Variants in SH3GL3 observed in about 807,000 individuals in gnomAD.
SH3GL3 encodes endophilin-A3.
In SH3GL3, 33 loss-of-function variants were observed where a neutral mutation model predicts 47.7. The ratio of observed to expected loss-of-function variants is 0.69; its 90% CI spans 0.52 to 0.92. SH3GL3 has a LOEUF of 0.92. Among genes scored for constraint, SH3GL3 ranks in the 40% least tolerant of loss-of-function variants. The pLI is 0.00. For synonymous variants in SH3GL3, 155 were observed against 148.8 expected, an observed-to-expected ratio of 1.04 and a Z score of -0.30; for missense variants, 363 against 417.8, an observed-to-expected ratio of 0.87 and a Z score of 1.14.
Position 83,549,357 on chromosome 15 carries a change from T to A in SH3GL3, c.46-9896T>A, listed in dbSNP as rs35783313. 1.4e-3 allele frequency among the ~76,000 whole-genome samples: 209 copies of A among 152,320 alleles called. 1 individual carries two copies. The highest frequency in any genetic ancestry group is 2.4e-3 in the Non-Finnish European group (166 of 68,026). ...AGCAGGTCTGAGTAATGTATCTTCC[T>A]CCAGAGATTATCTAGTTTTATTCTG... On this transcript the variant is annotated intron_variant, in intron 1 of 8. Transcript: ENST00000427482.
chr15:83,540,473 A>G (rs1486881048), intron 1 of SH3GL3, among the ~76,000 whole-genome samples: 1 of 152,116 alleles, frequency 6.6e-6, no homozygotes, highest in East Asian at 1.9e-4. Flanking sequence ...TTAAAGATTT[A>G]GGATTGTTAT....
intron 1 of SH3GL3, among the ~76,000 whole-genome samples, chr15:83,471,876 ATTTCT>A (rs947572919): frequency 1.4e-4 from 21 of 150,094 alleles, no homozygotes; most frequent in Admixed American, 9.3e-4. Flanking sequence ...CTTGGTGTGG[ATTTCT>A]TTTCTTTTCT....
the SH3GL3 span, among the ~76,000 whole-genome samples, chr15:83,626,863 C>T: frequency 1.3e-5 from 2 of 152,186 alleles, no homozygotes; most frequent in Non-Finnish European, 2.9e-5. Context: ...GCAATTTTTA[C>T]TCCCGCTATT....
chr15:83,608,405 A>G (rs2060583423), intron 8 of SH3GL3, among the ~76,000 whole-genome samples: 1 of 152,222 alleles, frequency 6.6e-6, no homozygotes, highest in Non-Finnish European at 1.5e-5. Flanking sequence ...ACCCATGGAC[A>G]AAAACAATAT....
intron 8 of SH3GL3, among the ~76,000 whole-genome samples, chr15:83,607,587 G>A (rs992753309): frequency 2.6e-5 from 4 of 152,094 alleles, no homozygotes; most frequent in Admixed American, 6.5e-5. Context: ...GATAGTCTAC[G>A]GCAAGCGCCC....
At chr15:83,481,656 AC>A (rs2041364491) in intron 1 of SH3GL3, among the ~76,000 whole-genome samples, 1 of 152,234 alleles carries the variant, frequency 6.6e-6, no homozygotes, top group East Asian at 1.9e-4. Flanking sequence ...TGATGGCAGA[AC>A]TTCATTCCCT....
chr15:83,584,736 G>A lies in SH3GL3; in HGVS notation c.625-2247G>A, dbSNP rs562417537. ...CGTATATCACGTGAACATTTTCATG[G>A]GTGAGGTCACACTTTGCTCTCAAGA... On this transcript the variant is annotated intron_variant, in intron 6 of 8. Transcript: ENST00000427482. 2.6e-5 allele frequency among the ~76,000 whole-genome samples: 4 copies of A among 152,270 alleles called. No individual in the cohort carries two copies. In the South Asian group the frequency reaches 8.3e-4, roughly 32 times the overall value.
At position 83,499,914 on chromosome 15, in the gene SH3GL3, G is replaced by T. The variant is rs561381936; in HGVS notation, c.45+52336G>T. On this transcript the variant is annotated intron_variant, in intron 1 of 8. Coordinates refer to ENST00000427482, the MANE Select transcript of SH3GL3 (RefSeq NM_003027.5). ...GATGACACTAGAACCCAAGAGCCTC[G>T]CAACTCCCTGATATTTAAAAGCTGC... 7.2e-5 allele frequency among the ~76,000 whole-genome samples: 11 copies of T among 152,248 alleles called. No homozygotes were observed. In the South Asian group the frequency reaches 2.1e-3, roughly 29 times the overall value.
At chr15:83,545,424 T>C (rs1344621734) in intron 1 of SH3GL3, among the ~76,000 whole-genome samples, 3 of 152,220 alleles carry the variant, frequency 2.0e-5, no homozygotes, top group African/African-American at 7.2e-5. Flanking sequence ...CTTCACTGTA[T>C]TATCTTGGAT....
intron 1 of SH3GL3, among the ~76,000 whole-genome samples, chr15:83,488,958 G>C (rs2041738959): frequency 6.6e-6 from 1 of 152,198 alleles, no homozygotes; most frequent in African/African-American, 2.4e-5. Flanking sequence ...GACCATGTTG[G>C]CTTTTGGACA....
intron 1 of SH3GL3, among the ~76,000 whole-genome samples, chr15:83,502,631 C>G (rs191840996): frequency 6.6e-6 from 1 of 152,162 alleles, no homozygotes; most frequent in African/African-American, 2.4e-5. Context: ...CATCATGGCT[C>G]ACTGTAGCCT....
intron 1 of SH3GL3, among the ~76,000 whole-genome samples, chr15:83,485,311 C>T (rs2041544578): frequency 6.6e-6 from 1 of 152,018 alleles, no homozygotes; most frequent in South Asian, 2.1e-4. Context: ...CTTCTGTGTT[C>T]CTTCATATAT....
the SH3GL3 span, among the ~76,000 whole-genome samples, chr15:83,629,090 T>TA: frequency 6.6e-6 from 1 of 152,158 alleles, no homozygotes; most frequent in Non-Finnish European, 1.5e-5. Flanking sequence ...ACATTGTATG[T>TA]AAAAAATAAA....
At chr15:83,631,531 C>G in the SH3GL3 span, among the ~76,000 whole-genome samples, 2 of 152,230 alleles carry the variant, frequency 1.3e-5, no homozygotes, top group Non-Finnish European at 2.9e-5. Context: ...TCCCAAACCT[C>G]AACTCTTGAC....
chr15:83,572,829 T>C, intron 5 of SH3GL3, 131 bp downstream of exon 5: 1 of 645,024 alleles, frequency 1.6e-6, no homozygotes, highest in Non-Finnish European at 2.6e-6. Flanking sequence ...AATGACTCAG[T>C]TCTATTTTCC....
intron 1 of SH3GL3, chr15:83,490,832 G>A: frequency 6.2e-7 from 1 of 1,614,138 alleles, no homozygotes; most frequent in Non-Finnish European, 8.5e-7. Context: ...GAAGATGAAT[G>A]AATGGATGGA....
intron 1 of SH3GL3, among the ~76,000 whole-genome samples, chr15:83,497,995 G>A (rs927276162): frequency 1.2e-4 from 19 of 152,062 alleles, no homozygotes; most frequent in Admixed American, 1.2e-3. Flanking sequence ...CAGTGATCAC[G>A]AGGAGTTTGC....
intron 4 of SH3GL3, among the ~76,000 whole-genome samples, chr15:83,570,545 A>G (rs1359337911): frequency 2.0e-5 from 3 of 152,308 alleles, no homozygotes; most frequent in East Asian, 1.9e-4. Context: ...ATTGAGATTC[A>G]TTTAAATTAA....
chr15:83,584,213 G>T (rs910361627), intron 6 of SH3GL3, among the ~76,000 whole-genome samples: 1 of 151,988 alleles, frequency 6.6e-6, no homozygotes, highest in African/African-American at 2.4e-5. Context: ...CACAGCCAGC[G>T]GCACAGCATC....
Sources: gnomAD v4.1 joint callset for allele counts (sites outside exome capture counted in the v4.1 genomes callset) on GRCh38, gnomAD v4.1.1 for gene constraint, MANE v1.5 for transcripts, NCBI Gene and HGNC (gene_info 2026-07-23, HGNC 2026-07-21) for gene names.